TRPM3: variants seen among roughly 807,000 people sequenced by gnomAD.
TRPM3 encodes the protein transient receptor potential cation channel subfamily M member 3.
A neutral mutation model predicts 181.2 loss-of-function variants in TRPM3; 77 were observed. The ratio of observed to expected loss-of-function variants is 0.42; its 90% CI spans 0.35 to 0.51. The LOEUF is 0.51. Among genes scored for constraint, TRPM3 ranks in the 20% least tolerant of loss-of-function variants. The probability of loss-of-function intolerance (pLI) is 0.01; values close to 1 mark genes in which losing one functional copy is unlikely to be tolerated. For synonymous variants in TRPM3, 745 were observed against 796.4 expected, an observed-to-expected ratio of 0.94 and a Z score of 1.09; for missense variants, 1,759 against 2,196.7, an observed-to-expected ratio of 0.80 and a Z score of 3.98.
intron 1 of TRPM3, among the ~76,000 whole-genome samples, chr9:71,130,540 TAAAAC>T (rs999487348): frequency 2.6e-5 from 4 of 152,076 alleles, no homozygotes; most frequent in Admixed American, 6.5e-5. Context: ...AGGGAGAAAA[TAAAAC>T]AATATTATCA....
chr9:70,753,841 G>C (rs1277212621), intron 8 of TRPM3, among the ~76,000 whole-genome samples: 1 of 152,038 alleles, frequency 6.6e-6, no homozygotes, highest in Non-Finnish European at 1.5e-5. Context: ...GGGAAGAAAT[G>C]GAAAGATGAA....
chr9:71,140,725 G>C (rs924821780), intron 1 of TRPM3, among the ~76,000 whole-genome samples: 3 of 152,108 alleles, frequency 2.0e-5, no homozygotes, highest in Non-Finnish European at 4.4e-5. Context: ...TAAGTAGCAA[G>C]GGTAAAGATA....
intron 15 of TRPM3, 52 bp downstream of exon 15, chr9:70,621,192 G>A: frequency 7.7e-7 from 1 of 1,291,408 alleles, no homozygotes; most frequent in South Asian, 1.4e-5. Context: ...TATATATAAT[G>A]GGTAATAAAG....
intron 1 of TRPM3, among the ~76,000 whole-genome samples, chr9:71,335,831 TA>T (rs1161963414): frequency 6.6e-5 from 10 of 152,280 alleles, no homozygotes; most frequent in Non-Finnish European, 1.2e-4. Context: ...TAAATATCTT[TA>T]ACCCTTTTAC....
intron 6 of TRPM3, among the ~76,000 whole-genome samples, chr9:70,802,497 C>T (rs2089414245): frequency 6.6e-6 from 1 of 152,098 alleles, no homozygotes; most frequent in Non-Finnish European, 1.5e-5. Context: ...AGTTTGTTCA[C>T]CTCTGGGTTT....
intron 1 of TRPM3, among the ~76,000 whole-genome samples, chr9:71,422,865 A>G (rs2093802220): frequency 6.6e-6 from 1 of 152,024 alleles, no homozygotes; most frequent in Non-Finnish European, 1.5e-5. Context: ...GTGGAGATTT[A>G]AGAATTATTT....
intron 1 of TRPM3, among the ~76,000 whole-genome samples, chr9:71,399,521 C>CTTTTTTTTTTTTTTTTTTTTTTTTTTTT (rs1415739241): frequency 9.3e-6 from 1 of 107,520 alleles, no homozygotes; most frequent in South Asian, 3.1e-4. Context: ...CTTATATTTT[C>CTTTTTTTTTTTTTTTTTTTTTTTTTTTT]TTTTGTTTTT....
At chr9:70,982,276 T>C (rs976608317) in intron 1 of TRPM3, among the ~76,000 whole-genome samples, 1 of 152,220 alleles carries the variant, frequency 6.6e-6, no homozygotes. Flanking sequence ...CCTGGTAATC[T>C]TTCCACCACT....
At chr9:71,106,318 G>A (rs375920530) in intron 1 of TRPM3, among the ~76,000 whole-genome samples, 2 of 152,018 alleles carry the variant, frequency 1.3e-5, no homozygotes, top group African/African-American at 2.4e-5. Flanking sequence ...AAATGGGGCC[G>A]GGGGGAGGTA....
chr9:70,917,360 AGTGAAAG>A lies in TRPM3; in HGVS notation c.178-52856_178-52850del, dbSNP rs1385739170. The A allele has an allele frequency of 3.8e-5, 39 of 1,030,262 alleles. No homozygotes were observed. In the East Asian group the frequency reaches 8.8e-4, roughly 23 times the overall value. The allele number at this position is 1,030,262 out of a possible 1,614,324, so 63.8% of individuals were successfully genotyped here. A position where few individuals can be genotyped will look rare whatever the true frequency, so the allele number is the denominator to read the frequency against. ...ATATGGAGATACTCCCAAGTCCAAG[AGTGAAAG>A]GCCTTCAACCACTCTCTTCCAAGAG... On this transcript the variant is annotated intron_variant, in intron 1 of 25. Transcript: ENST00000677713.
At chr9:70,688,986 A>C (rs2067739706) in intron 8 of TRPM3, among the ~76,000 whole-genome samples, 2 of 152,168 alleles carry the variant, frequency 1.3e-5, no homozygotes, top group Admixed American at 1.3e-4. Context: ...ATTATTACCA[A>C]GTGGTTATGT....
intron 1 of TRPM3, among the ~76,000 whole-genome samples, chr9:71,353,702 C>G (rs2091767841): frequency 6.6e-6 from 1 of 152,014 alleles, no homozygotes; most frequent in Non-Finnish European, 1.5e-5. Context: ...TCCTCTGTAC[C>G]CAGTTCAGAC....
At chr9:71,055,364 T>C (rs2060542608) in intron 1 of TRPM3, among the ~76,000 whole-genome samples, 1 of 152,006 alleles carries the variant, frequency 6.6e-6, no homozygotes, top group Non-Finnish European at 1.5e-5. Flanking sequence ...TCACTGGAGA[T>C]AGATAATAAG....
intron 1 of TRPM3, among the ~76,000 whole-genome samples, chr9:71,445,020 G>A (rs1046141787): frequency 2.0e-5 from 3 of 152,198 alleles, no homozygotes; most frequent in African/African-American, 7.2e-5. Context: ...ATCACCCTTA[G>A]CAAACAGGAG....
intron 1 of TRPM3, among the ~76,000 whole-genome samples, chr9:71,218,743 C>A (rs1482198176): frequency 6.6e-6 from 1 of 152,172 alleles, no homozygotes; most frequent in Admixed American, 6.5e-5. Context: ...AAATATTATA[C>A]TTTCATTTAC....
At chr9:71,317,480 G>C (rs915938968) in intron 1 of TRPM3, among the ~76,000 whole-genome samples, 39 of 151,770 alleles carry the variant, frequency 2.6e-4, no homozygotes, top group African/African-American at 8.5e-4. Context: ...GTCTCTATAA[G>C]AACTACAAAA....
At chr9:70,768,075 G>A (rs2079496683) in intron 7 of TRPM3, among the ~76,000 whole-genome samples, 2 of 152,148 alleles carry the variant, frequency 1.3e-5, no homozygotes, top group Non-Finnish European at 2.9e-5. Context: ...ATGATATCAA[G>A]TGATTCTGTT....
Position 70,827,907 on chromosome 9 carries a change from C to G in TRPM3, c.913G>C (p.Ala305Pro). ...AGTTGTCTTCGAAGTTTCACCTCTG[C>G]TCCATATTTTCCAGTGGTCCCGTTG... ...ADNGTTGKYG[A>P]EVKLRRQLEK... Residue 305 changes from alanine to proline, a missense_variant, in exon 6 of 26, where the codon GCA becomes CCA. By Grantham distance (27) the Ala-to-Pro change is conservative. This residue lies in a region of TRPM3 where 737 missense variants were observed against 957.4 expected (regional missense o/e 0.77). Transcript: ENST00000677713. The G allele has an allele frequency of 6.2e-7, 1 of 1,614,186 alleles. No individual in the cohort carries two copies. The highest frequency in any genetic ancestry group is 1.1e-5 in the South Asian group (1 of 91,080).
At chr9:71,169,003 T>C (rs1435767649) in intron 1 of TRPM3, among the ~76,000 whole-genome samples, 1 of 152,010 alleles carries the variant, frequency 6.6e-6, no homozygotes, top group African/African-American at 2.4e-5. Context: ...AAGCAAGCAA[T>C]GTAAGAGCAC....
Sources: gnomAD v4.1 joint callset for allele counts (sites outside exome capture counted in the v4.1 genomes callset) on GRCh38, gnomAD v4.1.1 for gene constraint, gnomAD v4.1.1 regional missense constraint, MANE v1.5 for transcripts, NCBI Gene and HGNC (gene_info 2026-07-23, HGNC 2026-07-21) for gene names.